ZNF486: variants seen among roughly 807,000 people sequenced by gnomAD.
ZNF486 encodes zinc finger protein 486.
ZNF486 carries 12 observed loss-of-function variants against 12.8 expected under a neutral mutation model. The ratio of observed to expected loss-of-function variants is 0.94; its 90% CI spans 0.60 to 1.52. ZNF486 has a LOEUF of 1.52. ZNF486 is among the 40% of genes most tolerant of loss of function. The pLI is 0.00. For synonymous variants in ZNF486, 231 were observed against 184.9 expected (o/e 1.25, Z -2.02); for missense variants, 738 against 545.0 (o/e 1.35, Z -3.53).
chr19:20,194,724 G>T (rs1555717638), intron 3 of ZNF486, among the ~76,000 whole-genome samples: 1 of 151,100 alleles, frequency 6.6e-6, no homozygotes, highest in East Asian at 1.9e-4. Context: ...TTGAAACTCT[G>T]TCTAAAAAAA....
chr19:20,173,465 C>T (rs1438796870), intron 1 of ZNF486, among the ~76,000 whole-genome samples: 1 of 151,966 alleles, frequency 6.6e-6, no homozygotes, highest in Non-Finnish European at 1.5e-5. Flanking sequence ...TGGTTTTAAC[C>T]CCACTAACGT....
chr19:20,197,106 TAA>T lies in ZNF486; in HGVS notation c.397_398del (p.Lys133ValfsTer7), dbSNP rs2089966168. The part of the protein sequence containing the change: ...KKGCESVDEC[K>X]LHKRGYNGLN... ...AAGGCTGTGAAAGTGTGGATGAGTG[TAA>T]GTTACACAAAAGAGGTTATAATGGA... On this transcript the variant is annotated frameshift_variant, in exon 4 of 4. Transcript: ENST00000335117. LOFTEE classifies it low-confidence loss of function (END_TRUNC). The T allele has an allele frequency of 3.1e-6, 5 of 1,613,666 alleles. No homozygotes were observed. In the East Asian group the frequency reaches 1.1e-4, roughly 36 times the overall value.
chr19:20,200,379 T>TA lies in ZNF486; in HGVS notation c.*2277_*2278insA, dbSNP rs1555718738. On this transcript the variant is annotated 3_prime_UTR_variant, in exon 4 of 4. Transcript: ENST00000335117. ...GTATAAGGTAGGTCAGAGTAATACTTTTCTACATTATAGTGCAAGAAATAA... is the reference window on the plus strand; with the variant it reads ...GTATAAGGTAGGTCAGAGTAATACTTATTCTACATTATAGTGCAAGAAATAA... 16 of 152,286 alleles carry TA rather than the reference T, an allele frequency of 1.1e-4. No individual in the cohort carries two copies. The highest frequency in any genetic ancestry group is 3.8e-4 in the African/African-American group (16 of 41,586). The allele number at this position is 152,286 out of a possible 1,614,324, so 9.4% of individuals were successfully genotyped here.
At chr19:20,175,622 A>T (rs917890483) in intron 1 of ZNF486, among the ~76,000 whole-genome samples, 7 of 151,992 alleles carry the variant, frequency 4.6e-5, no homozygotes, top group African/African-American at 1.7e-4. Context: ...GACACAGCAC[A>T]TGTTTCAGAG....
chr19:20,174,419 GTC>G (rs2089682972), intron 1 of ZNF486, among the ~76,000 whole-genome samples: 1 of 150,012 alleles, frequency 6.7e-6, no homozygotes, highest in South Asian at 2.1e-4. Context: ...TTTTGAGAGA[GTC>G]TCTGTTGCCC....
intron 2 of ZNF486, among the ~76,000 whole-genome samples, chr19:20,185,750 T>C (rs1376801743): frequency 6.6e-6 from 1 of 150,634 alleles, no homozygotes; most frequent in African/African-American, 2.5e-5. Flanking sequence ...TTTTTAAATA[T>C]AAGATTGTAT....
In ZNF486 at chr19:20,184,653, A is replaced by T. The variant is rs139878744; in HGVS notation, c.157+171A>T. ...GAAAAGAATTTCTTCAAGATGTTTC[A>T]TCTTAATCCAAACTTTCCACATTGC... On this transcript the variant is annotated intron_variant, in intron 2 of 3. Transcript: ENST00000335117. 6.0e-3 allele frequency among the ~76,000 whole-genome samples: 920 copies of T among 152,334 alleles called. 5 individuals carry two copies. The highest frequency in any genetic ancestry group is 0.021 in the African/African-American group (860 of 41,580).
At chr19:20,176,234 C>T (rs553574737) in intron 1 of ZNF486, 66 of 192,700 alleles carry the variant, frequency 3.4e-4, no homozygotes, top group Admixed American at 3.0e-3. Flanking sequence ...GATGGGCGGC[C>T]GGGCAGAGAC....
chr19:20,167,404 T>C, intron 1 of ZNF486, 44 bp downstream of exon 1: 4 of 1,604,444 alleles, frequency 2.5e-6, no homozygotes, highest in Non-Finnish European at 2.6e-6. Context: ...GAGGGACTGG[T>C]TGATGGGAAG....
In ZNF486 at chr19:20,186,049, A is replaced by G. The variant is rs1555716375; in HGVS notation, c.220A>G (p.Met74Val). 6 of 1,594,796 alleles carry G rather than the reference A, an allele frequency of 3.8e-6. No individual in the cohort carries two copies. Among genetic ancestry groups the G allele is most frequent in the South Asian group, 3.4e-5 (3 of 87,618 alleles). Residue 74 changes from methionine (M) to valine (V), a missense_variant, in exon 3 of 4, where the codon ATG becomes GTG. Met to Val is a conservative substitution (Grantham distance 21). Transcript: ENST00000335117. ...CLEQGIKPLT[M>V]KRHEMIAKPP... ...GGAGCAAGGAATAAAACCTCTGACT[A>G]TGAAGAGACATGAGATGATTGCCAA...
intron 1 of ZNF486, chr19:20,176,689 G>T (rs1455606569): frequency 6.4e-6 from 1 of 156,522 alleles, no homozygotes; most frequent in Non-Finnish European, 1.4e-5. Context: ...GTCAGGCGTG[G>T]CGGCGCGCAC....
rs2089991343 is a variant in ZNF486, at chr19:20,199,289, A to G, written c.*1187A>G. 1 of 152,224 alleles carries G rather than the reference A, an allele frequency of 6.6e-6. No individual in the cohort carries two copies. Among genetic ancestry groups the G allele is most frequent in the Non-Finnish European group, 1.5e-5 (1 of 68,038 alleles). 9.4% of individuals were successfully genotyped at this position (152,224 alleles called of 1,614,324 possible). A position where few individuals can be genotyped will look rare whatever the true frequency, so the allele number is the denominator to read the frequency against. On this transcript the variant is annotated 3_prime_UTR_variant, in exon 4 of 4. Coordinates refer to ENST00000335117, the MANE Select transcript of ZNF486 (RefSeq NM_052852.4). ...GCATTACAAATATAAAGAGGTTTGTAGTACCTTTGCTTGTATTACAGATCT... is the reference window on the plus strand; with the variant it reads ...GCATTACAAATATAAAGAGGTTTGTGGTACCTTTGCTTGTATTACAGATCT...
chr19:20,186,043 C>G lies in ZNF486; in HGVS notation c.214C>G (p.Leu72Val). 6.3e-7 allele frequency: 1 copy of G among 1,594,988 alleles called. No individual in the cohort carries two copies. The highest frequency in any genetic ancestry group is 8.5e-7 in the Non-Finnish European group (1 of 1,172,328). ...ITCLEQGIKP[L>V]TMKRHEMIAK... Reference sequence around the variant, plus strand: ...CTGTCTGGAGCAAGGAATAAAACCTCTGACTATGAAGAGACATGAGATGAT... The same window carrying G: ...CTGTCTGGAGCAAGGAATAAAACCTGTGACTATGAAGAGACATGAGATGAT... Residue 72 changes from leucine to valine, a missense_variant, in exon 3 of 4, where the codon CTG becomes GTG. Coordinates refer to ENST00000335117, the MANE Select transcript of ZNF486 (RefSeq NM_052852.4).
At chr19:20,177,694 C>A (rs1379521720) in intron 1 of ZNF486, among the ~76,000 whole-genome samples, 2 of 152,156 alleles carry the variant, frequency 1.3e-5, no homozygotes, top group Admixed American at 1.3e-4. Flanking sequence ...CCTGCCTTAG[C>A]CTCCCTAGTA....
intron 3 of ZNF486, among the ~76,000 whole-genome samples, chr19:20,186,354 T>A (rs1322496193): frequency 6.6e-6 from 1 of 152,194 alleles, no homozygotes; most frequent in Non-Finnish European, 1.5e-5. Flanking sequence ...TTATGGCATA[T>A]AAGTGATTGC....
At chr19:20,180,729 G>A (rs1269334982) in intron 1 of ZNF486, among the ~76,000 whole-genome samples, 6 of 151,908 alleles carry the variant, frequency 3.9e-5, no homozygotes, top group African/African-American at 1.4e-4. Context: ...CCCAGCCACT[G>A]TGGTCAGGCT....
In ZNF486 at chr19:20,186,048, T is replaced by A; in HGVS notation, c.219T>A (p.Thr73=). The A allele has an allele frequency of 6.3e-7, 1 of 1,595,154 alleles. No homozygotes were observed. The highest frequency in any genetic ancestry group is 8.5e-7 in the Non-Finnish European group (1 of 1,172,362). ...TCLEQGIKPL[T]MKRHEMIAKP... ...TGGAGCAAGGAATAAAACCTCTGAC[T>A]ATGAAGAGACATGAGATGATTGCCA... The change falls in exon 3 of 4, where the codon ACT becomes ACA. Residue 73 remains threonine (T), a synonymous_variant. Transcript: ENST00000335117.
At chr19:20,170,834 C>A (rs2089640648) in intron 1 of ZNF486, among the ~76,000 whole-genome samples, 1 of 152,102 alleles carries the variant, frequency 6.6e-6, no homozygotes, top group African/African-American at 2.4e-5. Context: ...TTGTTGTATG[C>A]ATTTCTTCCT....
chr19:20,167,466 C>G (rs1033451061), intron 1 of ZNF486, 106 bp downstream of exon 1: 24 of 1,333,022 alleles, frequency 1.8e-5, no homozygotes, highest in Non-Finnish European at 2.5e-5. Flanking sequence ...AATCTGCGTC[C>G]GGACTTCTCC....
Sources: gnomAD v4.1 joint callset for allele counts (sites outside exome capture counted in the v4.1 genomes callset) on GRCh38, gnomAD v4.1.1 for gene constraint, MANE v1.5 for transcripts, NCBI Gene and HGNC (gene_info 2026-07-23, HGNC 2026-07-21) for gene names.